Variants in EBF2 observed in about 807,000 individuals in gnomAD.
EBF2 encodes the protein EBF transcription factor 2.
In EBF2, 21 loss-of-function variants were observed where a neutral mutation model predicts 72.8. The ratio of observed to expected loss-of-function variants is 0.29; its 90% CI spans 0.20 to 0.42. The LOEUF (loss-of-function observed/expected upper bound fraction) is 0.42. Ranked by LOEUF, EBF2 falls within the 10% of genes least tolerant of loss-of-function variation. The probability of loss-of-function intolerance (pLI) is 1.00; values close to 1 mark genes in which losing one functional copy is unlikely to be tolerated. For synonymous variants in EBF2, 299 were observed against 274.2 expected (o/e 1.09, Z -0.89); for missense variants, 637 against 731.2 (o/e 0.87, Z 1.49).
intron 10 of EBF2, among the ~76,000 whole-genome samples, chr8:25,865,882 G>A (rs556298665): frequency 4.6e-5 from 7 of 151,846 alleles, no homozygotes; most frequent in Admixed American, 3.3e-4. Flanking sequence ...AAAATTAGCC[G>A]GGCGTGGTGG....
intron 6 of EBF2, among the ~76,000 whole-genome samples, chr8:25,969,520 T>A (rs1804160537): frequency 6.6e-6 from 1 of 152,214 alleles, no homozygotes. Flanking sequence ...CCCACATCCA[T>A]GGAGCACCTA....
At chr8:25,924,707 A>G (rs1803358128) in intron 6 of EBF2, among the ~76,000 whole-genome samples, 1 of 152,244 alleles carries the variant, frequency 6.6e-6, no homozygotes, top group Non-Finnish European at 1.5e-5. Flanking sequence ...AAACAGGGCC[A>G]AATGGCTTTC....
rs201469125 is a variant in EBF2 at position 25,958,324 on chromosome 8, T to C, written c.552-49769A>G. Among the ~76,000 whole-genome samples, 35 of 152,298 alleles carry C rather than the reference T, an allele frequency of 2.3e-4. No individual in the cohort carries two copies. The East Asian group carries it at 5.6e-3, about 24-fold the overall frequency. On this transcript the variant is annotated intron_variant, in intron 6 of 15. Coordinates refer to ENST00000520164, the MANE Select transcript of EBF2 (RefSeq NM_022659.4). Reference sequence around the variant, plus strand: ...CAATCTGAACCAACCTGTAATTTCATCCAGACATGCAGGGAGAATAATTTT... The same window carrying C: ...CAATCTGAACCAACCTGTAATTTCACCCAGACATGCAGGGAGAATAATTTT...
intron 10 of EBF2, among the ~76,000 whole-genome samples, chr8:25,872,679 AAACAACAACAACAAC>A (rs113792737): frequency 6.6e-6 from 1 of 151,264 alleles, no homozygotes; most frequent in South Asian, 2.1e-4. Flanking sequence ...GTAAGAAAGC[AAACAACAACAACAAC>A]AACAACAACA....
intron 6 of EBF2, among the ~76,000 whole-genome samples, chr8:25,948,487 C>A (rs1222087072): frequency 6.6e-6 from 1 of 152,154 alleles, no homozygotes; most frequent in Non-Finnish European, 1.5e-5. Context: ...TCTAATTATA[C>A]CCTATTTGAC....
rs760156499 is a variant in EBF2, at chr8:26,044,778, A to T, written c.82T>A (p.Ser28Thr). Residue 28 changes from serine to threonine, a missense_variant, in exon 1 of 16, where the codon TCC (serine) becomes ACC (threonine). This residue lies in a region of EBF2 where 174 missense variants were observed against 161.9 expected (regional missense o/e 1.07). Coordinates refer to ENST00000520164, the MANE Select transcript of EBF2 (RefSeq NM_022659.4). The surrounding 1 kb of genome is among the most constrained non-coding windows in gnomAD (Gnocchi z 4.1). ...ACCACTCCGACATTCCGGACCCAGG[A>T]CCTGACCGAATCCATCTCCGCGCCC... ...SLGAEMDSVRSWVRNVGVVDA... is the reference protein window; with the variant it reads ...SLGAEMDSVRTWVRNVGVVDA... The T allele has an allele frequency of 1.1e-5, 18 of 1,614,156 alleles. No homozygotes were observed. The highest frequency in any genetic ancestry group is 1.3e-5 in the Non-Finnish European group (15 of 1,180,026).
In EBF2 at chr8:25,878,127, G is replaced by A. The variant is rs190282274; in HGVS notation, c.1009+8628C>T. On this transcript the variant is annotated intron_variant, in intron 10 of 15. Transcript: ENST00000520164. ...GCCAGCCCCCAAAGGCAGTGCTTCC[G>A]GCTGGTCCTCCTCTCGGGACCCGTC... Among the ~76,000 whole-genome samples, 58 of 152,238 alleles carry A rather than the reference G, an allele frequency of 3.8e-4. No individual in the cohort carries two copies. The East Asian group carries it at 9.3e-3, about 24-fold the overall frequency.
intron 6 of EBF2, among the ~76,000 whole-genome samples, chr8:26,010,276 T>C (rs575477072): frequency 5.6e-4 from 86 of 152,318 alleles, no homozygotes; most frequent in African/African-American, 2.1e-3. Context: ...GAACTAACTC[T>C]GAAATCTGAG....
chr8:26,019,421 A>G (rs1222549464), intron 6 of EBF2, among the ~76,000 whole-genome samples: 2 of 152,192 alleles, frequency 1.3e-5, no homozygotes, highest in Admixed American at 6.5e-5. Context: ...ATAGATCTCA[A>G]TCCAAGCAAT....
intron 5 of EBF2, among the ~76,000 whole-genome samples, chr8:26,038,611 T>C (rs1805544826): frequency 6.6e-6 from 1 of 152,250 alleles, no homozygotes; most frequent in South Asian, 2.1e-4. Flanking sequence ...CAAAGCGTTC[T>C]ATTTAAATCT....
intron 6 of EBF2, among the ~76,000 whole-genome samples, chr8:25,945,675 T>C (rs1352800660): frequency 6.6e-6 from 1 of 151,704 alleles, no homozygotes; most frequent in Non-Finnish European, 1.5e-5. Context: ...GATAATGCAA[T>C]CCTTTGAATG....
chr8:25,899,806 C>G (rs1015580524), intron 7 of EBF2, among the ~76,000 whole-genome samples: 1 of 152,072 alleles, frequency 6.6e-6, no homozygotes, highest in Admixed American at 6.6e-5. Context: ...CTGCAGTTGT[C>G]GCATCCAGCA....
At chr8:25,970,366 C>G (rs542972745) in intron 6 of EBF2, among the ~76,000 whole-genome samples, 1 of 152,122 alleles carries the variant, frequency 6.6e-6, no homozygotes, top group African/African-American at 2.4e-5. Flanking sequence ...CGGAGCCTGG[C>G]GCTGAAGCAG....
intron 6 of EBF2, among the ~76,000 whole-genome samples, chr8:25,924,438 T>C (rs559385215): frequency 6.6e-6 from 1 of 152,230 alleles, no homozygotes; most frequent in Admixed American, 6.5e-5. Context: ...AGAAAATAAA[T>C]TACACGGAAG....
rs934690851 is a variant in EBF2, at chr8:26,007,625, A to G, written c.551+25460T>C. ...GAGAATATGGAGAAGTCTAAAAGAC[A>G]ATAACACTCATCACCCCTGCATGAA... is the stretch of plus-strand genomic sequence containing the variant. On this transcript the variant is annotated intron_variant, in intron 6 of 15. Coordinates refer to ENST00000520164, the MANE Select transcript of EBF2 (RefSeq NM_022659.4). Among the ~76,000 whole-genome samples, 46 of 152,190 alleles carry G rather than the reference A, an allele frequency of 3.0e-4. 1 individual carries two copies. The highest frequency in any genetic ancestry group is 8.8e-5 in the Non-Finnish European group (6 of 68,044).
In EBF2 at chr8:25,889,872, G is replaced by A; in HGVS notation, c.634-3C>T. 6.2e-7 allele frequency: 1 copy of A among 1,611,964 alleles called. No homozygotes were observed. The highest frequency in any genetic ancestry group is 8.5e-7 in the Non-Finnish European group (1 of 1,178,250). On this transcript the variant is annotated splice_polypyrimidine_tract_variant and splice_region_variant and intron_variant, in intron 7 of 15. Coordinates refer to ENST00000520164, the MANE Select transcript of EBF2 (RefSeq NM_022659.4). ...TTCACCGTTGTTGACAACACAACCT[G>A]CATATTTAAAGTAAAAAGGAGAAAG...
intron 6 of EBF2, among the ~76,000 whole-genome samples, chr8:25,967,681 G>A (rs763780516): frequency 1.1e-4 from 16 of 152,222 alleles, no homozygotes; most frequent in Non-Finnish European, 2.1e-4. Flanking sequence ...GGGCAAGGGT[G>A]AGGATGCATT....
intron 7 of EBF2, among the ~76,000 whole-genome samples, chr8:25,891,386 A>G (rs1445553166): frequency 6.6e-6 from 1 of 152,114 alleles, no homozygotes; most frequent in Non-Finnish European, 1.5e-5. Context: ...TTGAGAAAAA[A>G]AAAGAACTTA....
In EBF2 at chr8:26,001,683, G is replaced by A. The variant is rs141747258; in HGVS notation, c.551+31402C>T. The stretch of plus-strand genomic sequence containing the variant: ...CCTGCCTCAGCCTCCTGAGTAGCTG[G>A]GATTACAGGGACGCGCCACCATGCC... On this transcript the variant is annotated intron_variant, in intron 6 of 15. Coordinates refer to ENST00000520164, the MANE Select transcript of EBF2 (RefSeq NM_022659.4). 9.3e-4 allele frequency among the ~76,000 whole-genome samples: 142 copies of A among 152,120 alleles called. 1 individual carries two copies. The highest frequency in any genetic ancestry group is 3.3e-3 in the African/African-American group (135 of 41,490).
Sources: allele counts gnomAD v4.1 joint callset (sites outside exome capture counted in the v4.1 genomes callset), GRCh38; gene constraint gnomAD v4.1.1; regional missense constraint gnomAD v4.1.1; non-coding constraint Gnocchi (gnomAD v3.1); transcripts MANE v1.5; gene names NCBI Gene and HGNC (gene_info 2026-07-23, HGNC 2026-07-21).